Variants in EEA1 observed in about 807,000 individuals in gnomAD.
The protein encoded by EEA1 is early endosome antigen 1, 162kD.
In EEA1, 111 loss-of-function variants were observed where a neutral mutation model predicts 209.2. The ratio of observed to expected loss-of-function variants is 0.53; its 90% CI spans 0.45 to 0.62. EEA1 has a LOEUF of 0.62. Ranked by LOEUF, EEA1 falls within the 20% of genes least tolerant of loss-of-function variation. The probability of loss-of-function intolerance (pLI) is 0.00; values close to 1 mark genes in which losing one functional copy is unlikely to be tolerated. For synonymous variants in EEA1, 536 were observed against 540.6 expected, an observed-to-expected ratio of 0.99 and a Z score of 0.12; for missense variants, 1,343 against 1,530.8, an observed-to-expected ratio of 0.88 and a Z score of 2.05.
chr12:92,778,204 G>T, intron 25 of EEA1, 25 bp from the exon 26 acceptor site: 2 of 1,569,128 alleles, frequency 1.3e-6, no homozygotes, highest in South Asian at 2.3e-5. Context: ...AAGTTGGGGG[G>T]AAATCTATTA....
intron 23 of EEA1, among the ~76,000 whole-genome samples, chr12:92,780,990 A>T (rs1873880394): frequency 6.6e-6 from 1 of 152,152 alleles, no homozygotes; most frequent in Non-Finnish European, 1.5e-5. Context: ...CACTCACTGC[A>T]GCCTTGACCT....
At chr12:92,854,587 T>C (rs1267101977) in intron 5 of EEA1, among the ~76,000 whole-genome samples, 2 of 152,246 alleles carry the variant, frequency 1.3e-5, no homozygotes, top group Non-Finnish European at 2.9e-5. Context: ...AAAGATACTT[T>C]GAAAGCTTAG....
At chr12:92,785,500 T>C (rs987680763) in intron 22 of EEA1, among the ~76,000 whole-genome samples, 12 of 152,186 alleles carry the variant, frequency 7.9e-5, no homozygotes, top group African/African-American at 2.2e-4. Flanking sequence ...CTGATAGCCA[T>C]CTCTTATCCT....
In EEA1 at chr12:92,771,764, G is replaced by GGA. The variant is rs1378666928; in HGVS notation, c.*4245_*4246dup. The GGA allele has an allele frequency of 2.0e-5, 3 of 152,042 alleles. No homozygotes were observed. Among genetic ancestry groups the GGA allele is most frequent in the Non-Finnish European group, 4.4e-5 (3 of 67,934 alleles). 9.4% of individuals were successfully genotyped at this position (152,042 alleles called of 1,614,324 possible). On this transcript the variant is annotated 3_prime_UTR_variant, in exon 29 of 29. Transcript: ENST00000322349. ...AACCTCGGAGGTGAGCAGTGGACTA[G>GGA]GATGAGGTGGCCTCTCAAATTCCTT... is the stretch of plus-strand genomic sequence containing the variant.
chr12:92,833,258 C>G (rs188549619), intron 10 of EEA1, among the ~76,000 whole-genome samples: 16 of 152,252 alleles, frequency 1.1e-4, no homozygotes, highest in Admixed American at 7.8e-4. Context: ...TTGGTAAGAG[C>G]TTTAGCACAG....
At chr12:92,818,476 C>T (rs959196041) in intron 14 of EEA1, among the ~76,000 whole-genome samples, 1 of 152,106 alleles carries the variant, frequency 6.6e-6, no homozygotes, top group Non-Finnish European at 1.5e-5. Context: ...TGGCCAGAAA[C>T]AGATTTATTT....
chr12:92,874,060 G>A (rs1369568212), intron 2 of EEA1, among the ~76,000 whole-genome samples: 1 of 151,896 alleles, frequency 6.6e-6, no homozygotes, highest in African/African-American at 2.4e-5. Flanking sequence ...CACCTGTAAT[G>A]CCAGCACTTT....
At chr12:92,795,901 T>C (rs1224728075) in intron 21 of EEA1, among the ~76,000 whole-genome samples, 4 of 152,224 alleles carry the variant, frequency 2.6e-5, no homozygotes, top group Non-Finnish European at 4.4e-5. Context: ...GACTCTTAAC[T>C]AAGCTCTCTG....
At chr12:92,878,116 T>A (rs1878992014) in intron 2 of EEA1, among the ~76,000 whole-genome samples, 1 of 152,072 alleles carries the variant, frequency 6.6e-6, no homozygotes. Context: ...AAGAAGAAGA[T>A]AAGACCAGGC....
rs561082281 is a variant in EEA1 at position 92,893,372 on chromosome 12, G to A, written c.25-1651C>T. On this transcript the variant is annotated intron_variant, in intron 1 of 28. Coordinates refer to ENST00000322349, the MANE Select transcript of EEA1 (RefSeq NM_003566.4). Reference sequence around the variant, plus strand: ...CAGATGGGTAATAAATGAAAGAAGGGATTTTAATTAGAGCAGTGTGGCTCT... The same window carrying A: ...CAGATGGGTAATAAATGAAAGAAGGAATTTTAATTAGAGCAGTGTGGCTCT... Among the ~76,000 whole-genome samples, 9 of 152,260 alleles carry A rather than the reference G, an allele frequency of 5.9e-5. No homozygotes were observed. The East Asian group carries it at 1.7e-3, about 29-fold the overall frequency.
At chr12:92,899,107 A>G (rs117998444) in intron 1 of EEA1, among the ~76,000 whole-genome samples, 4,456 of 144,040 alleles carry the variant, frequency 0.031, 117 homozygotes, top group Non-Finnish European at 0.044. Context: ...TGAAGAATGC[A>G]AAATGAATCT....
chr12:92,802,390 T>A lies in EEA1; in HGVS notation c.2670+14A>T. 6.5e-7 allele frequency: 1 copy of A among 1,544,476 alleles called. No homozygotes were observed. ...AATCACTTCTACCTAAGAAAGTAAATGTAAACTACTAACCAAGTCTAATAT... is the reference window on the plus strand; with the variant it reads ...AATCACTTCTACCTAAGAAAGTAAAAGTAAACTACTAACCAAGTCTAATAT... On this transcript the variant is annotated intron_variant, in intron 19 of 28. Transcript: ENST00000322349.
rs545576694 is a variant in EEA1 at position 92,836,056 on chromosome 12, TAA to T, written c.916-3208_916-3207del. Among the ~76,000 whole-genome samples, 483 of 152,292 alleles carry T rather than the reference TAA, an allele frequency of 3.2e-3. 2 individuals carry two copies. The highest frequency in any genetic ancestry group is 0.011 in the African/African-American group (461 of 41,558). On this transcript the variant is annotated intron_variant, in intron 10 of 28. Transcript: ENST00000322349. ...TATAGTGAAATTCATTAAAAAATAA[TAA>T]GAGCATTTTCACTTCTCCATATTAA...
At chr12:92,860,185 C>CATCTTTGTG (rs1878076197) in intron 3 of EEA1, among the ~76,000 whole-genome samples, 1 of 152,196 alleles carries the variant, frequency 6.6e-6, no homozygotes, top group Non-Finnish European at 1.5e-5. Flanking sequence ...AGGCACCTGG[C>CATCTTTGTG]ATCTTTGTGA....
At chr12:92,828,117 C>A in intron 11 of EEA1, 56 bp from the exon 12 acceptor site, 1 of 1,275,850 alleles carries the variant, frequency 7.8e-7, no homozygotes, top group African/African-American at 1.5e-5. Context: ...CACACAGCAC[C>A]ACCTACTTTC....
chr12:92,877,019 C>A (rs1336827261), intron 2 of EEA1, among the ~76,000 whole-genome samples: 1 of 150,920 alleles, frequency 6.6e-6, no homozygotes, highest in Non-Finnish European at 1.5e-5. Context: ...ACTCAGCTCA[C>A]TGCAACCTCT....
chr12:92,912,905 G>A (rs889108059), intron 1 of EEA1, among the ~76,000 whole-genome samples: 3 of 152,138 alleles, frequency 2.0e-5, no homozygotes, highest in African/African-American at 7.2e-5. Flanking sequence ...AGTATTCCAT[G>A]GTATACAGAA....
chr12:92,858,959 AC>A, intron 3 of EEA1: 1 of 698,506 alleles, frequency 1.4e-6, no homozygotes, highest in South Asian at 1.6e-5. Flanking sequence ...ACTAAGATCA[AC>A]CGTTCAGCTG....
At chr12:92,880,800 T>C (rs1879105217) in intron 2 of EEA1, among the ~76,000 whole-genome samples, 1 of 152,158 alleles carries the variant, frequency 6.6e-6, no homozygotes, top group Non-Finnish European at 1.5e-5. Flanking sequence ...GCATTTCCAA[T>C]TCCAGAAAAA....
Sources: allele counts gnomAD v4.1 joint callset (sites outside exome capture counted in the v4.1 genomes callset), GRCh38; gene constraint gnomAD v4.1.1; transcripts MANE v1.5; gene names NCBI Gene and HGNC (gene_info 2026-07-23, HGNC 2026-07-21).